NR3C2: variants seen among roughly 807,000 people sequenced by gnomAD.
NR3C2 encodes the protein mineralocorticoid receptor.
NR3C2 carries 15 observed loss-of-function variants against 86.4 expected under a neutral mutation model. The observed-to-expected ratio is 0.17, with a 90% CI of 0.12 to 0.27. The LOEUF (loss-of-function observed/expected upper bound fraction) is 0.27. Among genes scored for constraint, NR3C2 ranks in the 10% least tolerant of loss-of-function variants. The pLI is 1.00. For synonymous variants in NR3C2, 458 were observed against 450.5 expected, an observed-to-expected ratio of 1.02 and a Z score of -0.21; for missense variants, 960 against 1,195.6, an observed-to-expected ratio of 0.80 and a Z score of 2.91.
chr4:148,132,678 A>C (rs1221230071), intron 6 of NR3C2, among the ~76,000 whole-genome samples: 1 of 152,206 alleles, frequency 6.6e-6, no homozygotes, highest in Non-Finnish European at 1.5e-5. Context: ...CTAGACTATA[A>C]TGATTTGCTT....
intron 8 of NR3C2, among the ~76,000 whole-genome samples, chr4:148,097,662 G>GT (rs1731342973): frequency 6.6e-6 from 1 of 150,382 alleles, no homozygotes; most frequent in African/African-American, 2.5e-5. Context: ...CCCACGGGCT[G>GT]TATGTGGCCC....
chr4:148,300,975 G>A (rs1168056376), intron 2 of NR3C2, among the ~76,000 whole-genome samples: 1 of 152,096 alleles, frequency 6.6e-6, no homozygotes, highest in African/African-American at 2.4e-5. Context: ...TTCCATTTTG[G>A]GAGAGACCTG....
intron 2 of NR3C2, among the ~76,000 whole-genome samples, chr4:148,404,508 C>CA (rs1454806553): frequency 6.6e-6 from 1 of 151,898 alleles, no homozygotes; most frequent in Non-Finnish European, 1.5e-5. Context: ...TATCTGTGCA[C>CA]AAAAATGCAA....
intron 2 of NR3C2, among the ~76,000 whole-genome samples, chr4:148,295,400 T>G (rs959452959): frequency 2.6e-5 from 4 of 151,790 alleles, no homozygotes; most frequent in African/African-American, 9.7e-5. Flanking sequence ...TCAGGCTCCC[T>G]CTGCAATATC....
At chr4:148,284,845 C>G (rs1741435469) in intron 2 of NR3C2, among the ~76,000 whole-genome samples, 1 of 152,180 alleles carries the variant, frequency 6.6e-6, no homozygotes, top group Non-Finnish European at 1.5e-5. Context: ...GGGCTGGGGT[C>G]TTTGCATGTA....
chr4:148,156,984 G>A (rs575190240), intron 4 of NR3C2, among the ~76,000 whole-genome samples: 1 of 151,868 alleles, frequency 6.6e-6, no homozygotes, highest in Non-Finnish European at 1.5e-5. Flanking sequence ...CATAAAAAAG[G>A]ATGAGTTCAT....
intron 2 of NR3C2, among the ~76,000 whole-genome samples, chr4:148,365,922 C>A (rs1746091468): frequency 6.6e-6 from 1 of 152,110 alleles, no homozygotes; most frequent in Admixed American, 6.5e-5. Flanking sequence ...CAAAGCTCAC[C>A]AATTTATAAG....
intron 4 of NR3C2, among the ~76,000 whole-genome samples, chr4:148,159,028 G>A (rs1278507447): frequency 6.6e-6 from 1 of 151,992 alleles, no homozygotes; most frequent in Non-Finnish European, 1.5e-5. Context: ...CCAAAAATAC[G>A]GTTACTTAAT....
At chr4:148,319,649 G>T (rs944263769) in intron 2 of NR3C2, among the ~76,000 whole-genome samples, 16 of 150,428 alleles carry the variant, frequency 1.1e-4, no homozygotes, top group African/African-American at 4.0e-4. Flanking sequence ...ATTGTGAATG[G>T]GAGTTCACTC....
chr4:148,369,223 G>T (rs1241279533), intron 2 of NR3C2, among the ~76,000 whole-genome samples: 1 of 152,150 alleles, frequency 6.6e-6, no homozygotes, highest in African/African-American at 2.4e-5. Context: ...TCTGTACATG[G>T]CATTGCATTA....
chr4:148,353,000 A>T (rs1263377403), intron 2 of NR3C2, among the ~76,000 whole-genome samples: 1 of 152,162 alleles, frequency 6.6e-6, no homozygotes, highest in Non-Finnish European at 1.5e-5. Context: ...ATCTTATTTT[A>T]AAAACTTCAA....
At chr4:148,341,076 A>C (rs1413586934) in intron 2 of NR3C2, among the ~76,000 whole-genome samples, 1 of 152,162 alleles carries the variant, frequency 6.6e-6, no homozygotes, top group Non-Finnish European at 1.5e-5. Context: ...CTCCTCAAAA[A>C]ACTAAAGATA....
intron 2 of NR3C2, among the ~76,000 whole-genome samples, chr4:148,398,238 A>G (rs11937655): frequency 0.22 from 33,233 of 152,158 alleles, 4,641 homozygotes; most frequent in African/African-American, 0.4. Context: ...GGACGTGATC[A>G]TATCTTTTTA....
At chr4:148,292,843 A>G (rs1741860603) in intron 2 of NR3C2, among the ~76,000 whole-genome samples, 1 of 152,136 alleles carries the variant, frequency 6.6e-6, no homozygotes, top group Non-Finnish European at 1.5e-5. Context: ...AAGTCTATAG[A>G]AAAATAGATT....
At position 148,081,076 on chromosome 4, in the gene NR3C2, G is replaced by C. The variant is rs879214898; in HGVS notation, c.*268C>G. ...ATATCAAAATCAGAGTTATTGACTA[G>C]ATATGGCTTTTCATCCCGAGGAACA... On this transcript the variant is annotated 3_prime_UTR_variant, in exon 9 of 9. Transcript: ENST00000358102. The C allele has an allele frequency of 4.1e-6, 2 of 490,638 alleles. No homozygotes were observed. The highest frequency in any genetic ancestry group is 6.5e-5 in the Admixed American group (2 of 30,666). The allele number at this position is 490,638 out of a possible 1,614,324, so 30.4% of individuals were successfully genotyped here. A position where few individuals can be genotyped will look rare whatever the true frequency, so the allele number is the denominator to read the frequency against.
rs1459271378 is a variant in NR3C2 at position 148,243,170 on chromosome 4, A to T, written c.1897+16808T>A. Among the ~76,000 whole-genome samples, 9 of 151,968 alleles carry T rather than the reference A, an allele frequency of 5.9e-5. No homozygotes were observed. The East Asian group carries it at 1.7e-3, about 29-fold the overall frequency. On this transcript the variant is annotated intron_variant, in intron 3 of 8. Transcript: ENST00000358102. Reference sequence around the variant, plus strand: ...CTCAGCTTCCTGAGTAGCTAGGATTATGGGTGTGTGCTACCATGCCTGGCT... The same window carrying T: ...CTCAGCTTCCTGAGTAGCTAGGATTTTGGGTGTGTGCTACCATGCCTGGCT...
intron 2 of NR3C2, among the ~76,000 whole-genome samples, chr4:148,363,874 CTG>C (rs919681571): frequency 2.6e-5 from 4 of 152,186 alleles, no homozygotes; most frequent in Non-Finnish European, 5.9e-5. Flanking sequence ...TCTGCTCAAA[CTG>C]TATTCAGTCT....
intron 2 of NR3C2, among the ~76,000 whole-genome samples, chr4:148,272,757 C>T (rs777285488): frequency 8.6e-4 from 131 of 151,698 alleles, no homozygotes; most frequent in Non-Finnish European, 1.6e-3. Context: ...TTGTCTTTGG[C>T]GCAGGTCTGA....
intron 2 of NR3C2, among the ~76,000 whole-genome samples, chr4:148,417,029 C>T (rs921880982): frequency 1.3e-5 from 2 of 151,966 alleles, no homozygotes; most frequent in Admixed American, 6.6e-5. Context: ...CACCCGCCTC[C>T]GCCTCGCAAA....
Sources: gnomAD v4.1 joint callset for allele counts (sites outside exome capture counted in the v4.1 genomes callset) on GRCh38, gnomAD v4.1.1 for gene constraint, MANE v1.5 for transcripts, NCBI Gene and HGNC (gene_info 2026-07-23, HGNC 2026-07-21) for gene names.